Variants in LY96 observed in about 807,000 individuals in gnomAD.
The protein encoded by LY96 is lymphocyte antigen 96, also known as myeloid differentiation protein-2.
LY96 carries 18 observed loss-of-function variants against 18.9 expected under a neutral mutation model. The observed-to-expected ratio is 0.95, with a 90% CI of 0.66 to 1.41. The LOEUF is 1.41. LY96 is among the 40% of genes most tolerant of loss of function. The pLI is 0.00. For missense variants in LY96, 175 were observed against 182.4 expected, an observed-to-expected ratio of 0.96 and a Z score of 0.23; for synonymous variants, 66 against 62.6, an observed-to-expected ratio of 1.06 and a Z score of -0.26.
chr8:74,017,128 C>A lies in LY96; in HGVS notation c.331+6999C>A, dbSNP rs1030513602. Among the ~76,000 whole-genome samples the A allele has an allele frequency of 2.0e-5, 3 of 152,106 alleles. 1 individual carries two copies. The highest frequency in any genetic ancestry group is 2.0e-4 in the Admixed American group (3 of 15,266). On this transcript the variant is annotated intron_variant, in intron 3 of 4. Coordinates refer to ENST00000284818, the MANE Select transcript of LY96 (RefSeq NM_015364.5). ...CTGAGCTAAAGGAGGATGTTCGAAC[C>A]CATCGCAAGGAAGCTAAAAACCTTG...
the LY96 span, among the ~76,000 whole-genome samples, chr8:74,050,960 T>C: frequency 4.6e-5 from 7 of 151,930 alleles, no homozygotes; most frequent in African/African-American, 1.7e-4. Flanking sequence ...GAGGTGGAGG[T>C]TGCAGTGAGC....
intron 1 of LY96, among the ~76,000 whole-genome samples, chr8:74,001,179 G>A (rs961411816): frequency 7.3e-5 from 11 of 151,314 alleles, no homozygotes; most frequent in African/African-American, 2.4e-4. Flanking sequence ...TTAGGAGTTG[G>A]AGACCAGTCT....
intron 1 of LY96, among the ~76,000 whole-genome samples, chr8:73,994,751 T>A (rs1816087459): frequency 6.6e-6 from 1 of 152,200 alleles, no homozygotes. Flanking sequence ...CTTCCCAAAG[T>A]GCTGGGATTA....
At chr8:74,041,681 TCCTC>T in the LY96 span, among the ~76,000 whole-genome samples, 1 of 152,130 alleles carries the variant, frequency 6.6e-6, no homozygotes, top group Non-Finnish European at 1.5e-5. Context: ...TCCTGCAGTA[TCCTC>T]AGGCTTATTA....
chr8:74,075,574 T>G, the LY96 span, among the ~76,000 whole-genome samples: 1 of 152,262 alleles, frequency 6.6e-6, no homozygotes, highest in African/African-American at 2.4e-5. Flanking sequence ...CCTGGCTTAT[T>G]GTGGCTTATT....
the LY96 span, among the ~76,000 whole-genome samples, chr8:74,098,791 T>G: frequency 3.9e-5 from 6 of 152,320 alleles, no homozygotes; most frequent in Non-Finnish European, 7.3e-5. Flanking sequence ...CCTTACAAAT[T>G]ATCTAACTTT....
At chr8:74,074,382 T>C in the LY96 span, among the ~76,000 whole-genome samples, 223 of 152,298 alleles carry the variant, frequency 1.5e-3, no homozygotes, top group Non-Finnish European at 2.7e-3. Flanking sequence ...ATAAATATTA[T>C]TTTTCTTTTG....
chr8:74,014,143 G>C (rs1454373100), intron 3 of LY96, among the ~76,000 whole-genome samples: 2 of 151,812 alleles, frequency 1.3e-5, no homozygotes, highest in Non-Finnish European at 2.9e-5. Context: ...CAAGGATTAG[G>C]TAAAATCAAG....
the LY96 span, among the ~76,000 whole-genome samples, chr8:74,043,266 T>C: frequency 6.6e-6 from 1 of 152,140 alleles, no homozygotes; most frequent in Non-Finnish European, 1.5e-5. Flanking sequence ...GCCAGTGAGA[T>C]ATGCTAGCTG....
At chr8:74,008,212 G>T (rs1816455590) in intron 2 of LY96, among the ~76,000 whole-genome samples, 1 of 152,226 alleles carries the variant, frequency 6.6e-6, no homozygotes, top group Non-Finnish European at 1.5e-5. Context: ...AAACTATTGA[G>T]TTGTCAAAGC....
chr8:74,088,119 A>G, the LY96 span, among the ~76,000 whole-genome samples: 37 of 151,688 alleles, frequency 2.4e-4, no homozygotes, highest in Admixed American at 1.9e-3. Context: ...AGAATAGAAT[A>G]GAATAGAATA....
chr8:74,077,679 C>T, the LY96 span, among the ~76,000 whole-genome samples: 245 of 150,396 alleles, frequency 1.6e-3, 2 homozygotes, highest in African/African-American at 5.1e-3. Flanking sequence ...TAGAAAAATA[C>T]GTGAAATAAA....
intron 1 of LY96, among the ~76,000 whole-genome samples, chr8:73,995,621 T>C (rs1425631977): frequency 4.6e-5 from 7 of 152,178 alleles, no homozygotes; most frequent in Admixed American, 4.6e-4. Flanking sequence ...TGATTTATTC[T>C]CCCAGTTTTG....
At chr8:74,071,832 A>G in the LY96 span, among the ~76,000 whole-genome samples, 1 of 152,120 alleles carries the variant, frequency 6.6e-6, no homozygotes, top group Non-Finnish European at 1.5e-5. Flanking sequence ...ATTGATTCAC[A>G]TTGTGTGTAG....
the LY96 span, among the ~76,000 whole-genome samples, chr8:74,034,801 G>A: frequency 6.6e-6 from 1 of 152,090 alleles, no homozygotes; most frequent in African/African-American, 2.4e-5. Flanking sequence ...TGTCACAGAA[G>A]GGGTGAGCAT....
intron 3 of LY96, among the ~76,000 whole-genome samples, chr8:74,019,214 G>A (rs950286926): frequency 7.9e-5 from 12 of 151,986 alleles, no homozygotes; most frequent in Admixed American, 1.3e-4. Context: ...TCAAATAGAC[G>A]CAATAAAAAA....
intron 1 of LY96, among the ~76,000 whole-genome samples, chr8:74,002,115 C>T (rs1816308937): frequency 1.5e-5 from 2 of 132,060 alleles, no homozygotes; most frequent in African/African-American, 3.0e-5. Context: ...CTCTCTCTCT[C>T]TCTCTCTCTC....
chr8:74,008,103 A>G (rs16938760), intron 2 of LY96, among the ~76,000 whole-genome samples: 45,868 of 152,056 alleles, frequency 0.3, 9,717 homozygotes, highest in African/African-American at 0.6. Flanking sequence ...TGACATCCCC[A>G]GCCTGCTGAG....
chr8:74,014,863 CAA>C (rs1284078375), intron 3 of LY96, among the ~76,000 whole-genome samples: 2 of 151,516 alleles, frequency 1.3e-5, no homozygotes, highest in Non-Finnish European at 2.9e-5. Flanking sequence ...CTGTTTCTCT[CAA>C]AAACACATTT....
Sources: gnomAD v4.1 joint callset for allele counts (sites outside exome capture counted in the v4.1 genomes callset) on GRCh38, gnomAD v4.1.1 for gene constraint, MANE v1.5 for transcripts, NCBI Gene and HGNC (gene_info 2026-07-23, HGNC 2026-07-21) for gene names.